Variants in PSMD12 observed in about 807,000 individuals in gnomAD.
PSMD12 encodes proteasome 26S subunit, non-ATPase 12.
In PSMD12, 8 loss-of-function variants were observed where a neutral mutation model predicts 62.9. The observed-to-expected ratio is 0.13, with a 90% CI of 0.07 to 0.23. The LOEUF (loss-of-function observed/expected upper bound fraction) is 0.23. Among genes scored for constraint, PSMD12 ranks in the 10% least tolerant of loss-of-function variants. The pLI is 1.00. For synonymous variants in PSMD12, 173 were observed against 187.4 expected, an observed-to-expected ratio of 0.92 and a Z score of 0.63; for missense variants, 424 against 550.2, an observed-to-expected ratio of 0.77 and a Z score of 2.29.
intron 4 of PSMD12, among the ~76,000 whole-genome samples, chr17:67,348,981 G>A (rs1386206657): frequency 2.0e-5 from 3 of 152,092 alleles, no homozygotes; most frequent in Non-Finnish European, 4.4e-5. Context: ...CAACAACAGA[G>A]TGAGACTGTC....
In PSMD12 at chr17:67,339,648, G is replaced by GT. The variant is rs2041892130; in HGVS notation, c.*1194dup. 1 of 152,016 alleles carries GT rather than the reference G, an allele frequency of 6.6e-6. No homozygotes were observed. The highest frequency in any genetic ancestry group is 2.4e-5 in the African/African-American group (1 of 41,390). The allele number at this position is 152,016 out of a possible 1,614,324, so 9.4% of individuals were successfully genotyped here. On this transcript the variant is annotated 3_prime_UTR_variant, in exon 11 of 11. Transcript: ENST00000356126. ...GGAGAAATGCCATTTCTAGAATGCT[G>GT]TTTTTCTTTTTCTCTTCATTTGAAT... is the stretch of plus-strand genomic sequence containing the variant.
chr17:67,356,202 T>C (rs2042069819), intron 3 of PSMD12, among the ~76,000 whole-genome samples: 1 of 151,868 alleles, frequency 6.6e-6, no homozygotes, highest in Non-Finnish European at 1.5e-5. Context: ...CTCAGAGAGT[T>C]TAGTCAAGGA....
At chr17:67,341,469 CAAAAAAAAAAAA>C (rs71368819) in intron 10 of PSMD12, among the ~76,000 whole-genome samples, 3 of 51,130 alleles carry the variant, frequency 5.9e-5, no homozygotes, top group Admixed American at 3.0e-4. Flanking sequence ...GACTCTGCCT[CAAAAAAAAAAAA>C]AAAAAAAAAA....
intron 3 of PSMD12, among the ~76,000 whole-genome samples, chr17:67,355,743 A>G (rs1037402297): frequency 1.3e-5 from 2 of 152,216 alleles, no homozygotes; most frequent in African/African-American, 4.8e-5. Context: ...GAAACAGTAA[A>G]GAAAAATCCA....
At chr17:67,356,557 C>CAAAAAAAAAAAAAAAAA (rs35353017) in intron 3 of PSMD12, among the ~76,000 whole-genome samples, 2 of 14,994 alleles carry the variant, frequency 1.3e-4, no homozygotes, top group Non-Finnish European at 3.4e-4. Flanking sequence ...GACTCCGTCT[C>CAAAAAAAAAAAAAAAAA]AAAAAAAAAA....
At chr17:67,355,990 ACACACACACACACACACACG>A (rs1285495466) in intron 3 of PSMD12, among the ~76,000 whole-genome samples, 6 of 150,862 alleles carry the variant, frequency 4.0e-5, no homozygotes, top group African/African-American at 1.5e-4. Flanking sequence ...ACACACACAC[ACACACACACACACACACACG>A]CACACACACA....
chr17:67,349,400 G>A (rs971515591), intron 4 of PSMD12, among the ~76,000 whole-genome samples: 5 of 152,224 alleles, frequency 3.3e-5, no homozygotes, highest in Non-Finnish European at 5.9e-5. Flanking sequence ...AAATACAGCT[G>A]TGAGACATTT....
rs987058640 is a variant in PSMD12, at chr17:67,338,832, A to T, written c.*2011T>A. Reference sequence around the variant, plus strand: ...GTGACACTGCAATCCAGCCTGGGCAACAAGAGTGAAACTCCGTCTCAAAAA... The same window carrying T: ...GTGACACTGCAATCCAGCCTGGGCATCAAGAGTGAAACTCCGTCTCAAAAA... On this transcript the variant is annotated 3_prime_UTR_variant, in exon 11 of 11. Transcript: ENST00000356126. 4 of 152,210 alleles carry T rather than the reference A, an allele frequency of 2.6e-5. No individual in the cohort carries two copies. Among genetic ancestry groups the T allele is most frequent in the African/African-American group, 7.2e-5 (3 of 41,464 alleles). 9.4% of individuals were successfully genotyped at this position (152,210 alleles called of 1,614,324 possible).
chr17:67,345,987 C>T (rs929389474), intron 7 of PSMD12, 130 bp from the exon 8 acceptor site: 36 of 749,300 alleles, frequency 4.8e-5, no homozygotes, highest in East Asian at 8.8e-5. Context: ...CAGTGGCTCA[C>T]GTCTGTAATC....
intron 3 of PSMD12, among the ~76,000 whole-genome samples, chr17:67,351,403 A>T (rs2042016321): frequency 6.8e-6 from 1 of 147,332 alleles, no homozygotes; most frequent in South Asian, 2.1e-4. Context: ...AATAATAATA[A>T]TAATAATAAT....
At chr17:67,348,687 C>A in intron 4 of PSMD12, 33 bp from the exon 5 acceptor site, 1 of 1,575,468 alleles carries the variant, frequency 6.3e-7, no homozygotes, top group East Asian at 2.2e-5. Context: ...ATCAAAATTC[C>A]ATGGAAACGT....
At chr17:67,355,969 TACACACACACACACACACAC>T (rs59875246) in intron 3 of PSMD12, among the ~76,000 whole-genome samples, 52 of 145,854 alleles carry the variant, frequency 3.6e-4, no homozygotes, top group African/African-American at 1.2e-3. Flanking sequence ...CCCCCATTTC[TACACACACACACACACACAC>T]ACACACACAC....
intron 2 of PSMD12, 23 bp from the exon 3 acceptor site, chr17:67,357,454 A>C: frequency 6.2e-7 from 1 of 1,613,322 alleles, no homozygotes; most frequent in Non-Finnish European, 8.5e-7. Flanking sequence ...AAATATATTG[A>C]AAGTTAATGG....
chr17:67,360,220 C>A lies in PSMD12; in HGVS notation c.109-2642G>T, dbSNP rs1275271907. The stretch of plus-strand genomic sequence containing the variant: ...TAATGACAGTCACCCATCACATTTG[C>A]AATTACTATTAGTCACGTGACTGTG... On this transcript the variant is annotated intron_variant, in intron 1 of 10. Coordinates refer to ENST00000356126, the MANE Select transcript of PSMD12 (RefSeq NM_002816.5). Among the ~76,000 whole-genome samples the A allele has an allele frequency of 2.6e-5, 4 of 152,194 alleles. No homozygotes were observed. In the East Asian group the frequency reaches 5.8e-4, roughly 22 times the overall value.
At chr17:67,349,376 T>C (rs1483061937) in intron 4 of PSMD12, among the ~76,000 whole-genome samples, 2 of 152,266 alleles carry the variant, frequency 1.3e-5, no homozygotes, top group Non-Finnish European at 2.9e-5. Context: ...TTGTGCACTT[T>C]ATCCGCCATG....
chr17:67,346,168 G>A (rs891013250), intron 7 of PSMD12, among the ~76,000 whole-genome samples: 3 of 151,948 alleles, frequency 2.0e-5, no homozygotes, highest in East Asian at 1.9e-4. Context: ...CCAGGCGGGC[G>A]GATCACCTGA....
In PSMD12 at chr17:67,352,943, C is replaced by T. The variant is rs181428643; in HGVS notation, c.298-2607G>A. On this transcript the variant is annotated intron_variant, in intron 3 of 10. Coordinates refer to ENST00000356126, the MANE Select transcript of PSMD12 (RefSeq NM_002816.5). ...TGCTGGCCATTTGTATATGCCAAAG[C>T]GAAGCCATAAAGTGCCTCCTTTAAA... Among the ~76,000 whole-genome samples the T allele has an allele frequency of 6.6e-5, 10 of 152,282 alleles. No homozygotes were observed. In the East Asian group the frequency reaches 1.7e-3, roughly 26 times the overall value.
At chr17:67,341,840 C>T (rs1848975832) in intron 10 of PSMD12, among the ~76,000 whole-genome samples, 1 of 152,186 alleles carries the variant, frequency 6.6e-6, no homozygotes, top group Admixed American at 6.5e-5. Context: ...AAGGAACAAA[C>T]CTTCCAACTC....
chr17:67,358,217 C>G (rs2042094816), intron 1 of PSMD12, among the ~76,000 whole-genome samples: 1 of 152,106 alleles, frequency 6.6e-6, no homozygotes. Flanking sequence ...GCCACTGCAT[C>G]TGGTGGATCC....
Sources: gnomAD v4.1 joint callset for allele counts (sites outside exome capture counted in the v4.1 genomes callset) on GRCh38, gnomAD v4.1.1 for gene constraint, MANE v1.5 for transcripts, NCBI Gene and HGNC (gene_info 2026-07-23, HGNC 2026-07-21) for gene names.